RUSC2: variants seen among roughly 807,000 people sequenced by gnomAD.
The protein encoded by RUSC2 is AP-4 complex accessory subunit RUSC2.
A neutral mutation model predicts 122.2 loss-of-function variants in RUSC2; 34 were observed. The ratio of observed to expected loss-of-function variants is 0.28; its 90% CI spans 0.21 to 0.37. The LOEUF is 0.37. Among genes scored for constraint, RUSC2 ranks in the 10% least tolerant of loss-of-function variants. The pLI, the probability that RUSC2 is intolerant of heterozygous loss-of-function variation, is 1.00. For missense variants in RUSC2, 1,747 were observed against 1,952.4 expected, an observed-to-expected ratio of 0.89 and a Z score of 1.98; for synonymous variants, 784 against 790.0, an observed-to-expected ratio of 0.99 and a Z score of 0.13.
chr9:35,498,328 C>A (rs1054372929), intron 1 of RUSC2, among the ~76,000 whole-genome samples: 1 of 151,962 alleles, frequency 6.6e-6, no homozygotes, highest in African/African-American at 2.4e-5. Flanking sequence ...CACGTGAGAT[C>A]AGGAGTTTGA....
intron 1 of RUSC2, among the ~76,000 whole-genome samples, chr9:35,506,066 A>G (rs1447317684): frequency 6.6e-6 from 1 of 152,218 alleles, no homozygotes; most frequent in African/African-American, 2.4e-5. Context: ...TGCAGATGAT[A>G]TGGTCTTGTA....
At chr9:35,508,227 T>C (rs187448004) in intron 1 of RUSC2, among the ~76,000 whole-genome samples, 7 of 152,318 alleles carry the variant, frequency 4.6e-5, no homozygotes, top group African/African-American at 1.4e-4. Flanking sequence ...TTCCACCTCC[T>C]AACAAAAGCT....
chr9:35,561,120 G>A (rs1186774717), intron 11 of RUSC2, 23 bp downstream of exon 11: 2 of 1,613,572 alleles, frequency 1.2e-6, no homozygotes, highest in African/African-American at 2.7e-5. Flanking sequence ...AAACGGAAGG[G>A]CTGAGGGGGG....
chr9:35,499,057 C>T (rs1220239641), intron 1 of RUSC2, among the ~76,000 whole-genome samples: 7 of 152,072 alleles, frequency 4.6e-5, no homozygotes, highest in Non-Finnish European at 7.4e-5. Context: ...GAGGCTGAGG[C>T]AGGCAGATCA....
chr9:35,501,621 A>C (rs919464714), intron 1 of RUSC2, among the ~76,000 whole-genome samples: 1 of 152,192 alleles, frequency 6.6e-6, no homozygotes, highest in African/African-American at 2.4e-5. Flanking sequence ...CTGAGTTATG[A>C]CTCCAAGGTA....
chr9:35,559,358 T>G (rs1206433681), intron 9 of RUSC2, 86 bp downstream of exon 9: 2 of 1,195,358 alleles, frequency 1.7e-6, no homozygotes, highest in African/African-American at 1.5e-5. Flanking sequence ...TTTTCATTGC[T>G]GGAGGTGGGG....
In RUSC2 at chr9:35,558,319, C is replaced by T. The variant is rs1822066214; in HGVS notation, c.3183C>T (p.Ile1061=). The change falls in exon 7 of 12, where the codon ATC becomes ATT. Residue 1061 remains isoleucine, a synonymous_variant. Transcript: ENST00000361226. This position sits in a 1 kb window ranked among gnomAD's most constrained non-coding sequence, Gnocchi z 4.3. ...AGGCCTTTGTACTGGACGTCATCAT[C>T]GGGCAGCGTAAGAACATGCCATGGA... ...GLKAFVLDVI[I]GQRKNMPWSV... is the part of the protein sequence containing the mutation. The T allele has an allele frequency of 6.2e-6, 10 of 1,614,142 alleles. No individual in the cohort carries two copies. The highest frequency in any genetic ancestry group is 1.7e-5 in the Admixed American group (1 of 60,024).
chr9:35,511,483 T>A (rs1015062456), intron 1 of RUSC2, among the ~76,000 whole-genome samples: 2 of 152,144 alleles, frequency 1.3e-5, no homozygotes, highest in Non-Finnish European at 2.9e-5. Flanking sequence ...ATTCCCTAGA[T>A]CCATTTCAGT....
intron 1 of RUSC2, among the ~76,000 whole-genome samples, chr9:35,513,444 T>C (rs995588257): frequency 6.6e-6 from 1 of 151,916 alleles, no homozygotes; most frequent in African/African-American, 2.4e-5. Context: ...GGTTTCGCCA[T>C]GTTGGCCAGA....
chr9:35,544,483 T>C (rs911613607), intron 1 of RUSC2, among the ~76,000 whole-genome samples: 2 of 152,032 alleles, frequency 1.3e-5, no homozygotes, highest in Admixed American at 6.6e-5. Context: ...AATTTTTATA[T>C]TTTTAGTAGA....
chr9:35,556,111 C>T lies in RUSC2; in HGVS notation c.2816C>T (p.Ala939Val). Residue 939 changes from alanine to valine, a missense_variant, in exon 4 of 12, where the codon GCC (alanine) becomes GTC (valine). By Grantham distance (64) the Ala-to-Val change is moderately conservative (BLOSUM62 0). Transcript: ENST00000361226. ...IFEFPGSLSA[A>V]SHLNCRLNGQ... ...GAGTTCCCTGGCTCCCTCAGTGCTG[C>T]CAGCCATCTGAACTGCCGGCTGAAT... 1.2e-6 allele frequency: 2 copies of T among 1,614,174 alleles called. No homozygotes were observed. Among genetic ancestry groups the T allele is most frequent in the Non-Finnish European group, 1.7e-6 (2 of 1,180,006 alleles).
At chr9:35,517,211 G>A (rs1587844191) in intron 1 of RUSC2, among the ~76,000 whole-genome samples, 2 of 152,140 alleles carry the variant, frequency 1.3e-5, no homozygotes, top group East Asian at 3.9e-4. Context: ...TGAATCCCAG[G>A]GTAGAGACTT....
At position 35,559,256 on chromosome 9, in the gene RUSC2, C is replaced by T; in HGVS notation, c.3372C>T (p.His1124=). The stretch of plus-strand genomic sequence containing the variant: ...GGTCCCTGGAGTTCTGGTTTAATCA[C>T]CTCTATAACCACGAAGGTAATGCCT... ...NIRSLEFWFN[H]LYNHEDIIQT... Residue 1124 remains histidine (H), a synonymous_variant, in exon 9 of 12, where the codon CAC becomes CAT. Transcript: ENST00000361226. The T allele has an allele frequency of 6.2e-7, 1 of 1,613,434 alleles. No homozygotes were observed. The highest frequency in any genetic ancestry group is 2.2e-5 in the East Asian group (1 of 44,878).
At chr9:35,514,048 T>C (rs1478546822) in intron 1 of RUSC2, among the ~76,000 whole-genome samples, 2 of 151,662 alleles carry the variant, frequency 1.3e-5, no homozygotes, top group Non-Finnish European at 2.9e-5. Context: ...GCTGCTCTCT[T>C]GAAAATTTCA....
At chr9:35,520,678 C>T (rs1021251444) in intron 1 of RUSC2, among the ~76,000 whole-genome samples, 6 of 152,208 alleles carry the variant, frequency 3.9e-5, no homozygotes, top group African/African-American at 1.4e-4. Flanking sequence ...ACTGACCACA[C>T]TGAGCAGTCA....
At chr9:35,494,372 G>A (rs1414885822) in intron 1 of RUSC2, among the ~76,000 whole-genome samples, 1 of 152,106 alleles carries the variant, frequency 6.6e-6, no homozygotes, top group Non-Finnish European at 1.5e-5. Context: ...GCTGAGGCAG[G>A]AGAATGGCTT....
At chr9:35,521,393 A>C (rs554958648) in intron 1 of RUSC2, among the ~76,000 whole-genome samples, 3 of 152,304 alleles carry the variant, frequency 2.0e-5, no homozygotes, top group African/African-American at 7.2e-5. Context: ...CCTAGGGGCA[A>C]AGCTAGGTTT....
chr9:35,513,508 G>A (rs909290596), intron 1 of RUSC2, among the ~76,000 whole-genome samples: 3 of 151,758 alleles, frequency 2.0e-5, no homozygotes, highest in Non-Finnish European at 4.4e-5. Flanking sequence ...CTCTCCAAGT[G>A]CTAGGATTAC....
chr9:35,513,904 AT>A (rs1479890310), intron 1 of RUSC2, among the ~76,000 whole-genome samples: 1 of 1,788 alleles, frequency 5.6e-4, no homozygotes, highest in Non-Finnish European at 2.8e-3. Context: ...TTCAACAAAC[AT>A]ATATATATAT....
Sources: gnomAD v4.1 joint callset for allele counts (sites outside exome capture counted in the v4.1 genomes callset) on GRCh38, gnomAD v4.1.1 for gene constraint, Gnocchi (gnomAD v3.1) non-coding constraint, MANE v1.5 for transcripts, NCBI Gene and HGNC (gene_info 2026-07-23, HGNC 2026-07-21) for gene names.